CDH3: variants seen among roughly 807,000 people sequenced by gnomAD.
CDH3 encodes cadherin-3.
Under a neutral mutation model 82.0 loss-of-function variants are expected in CDH3, and 54 were observed. The observed-to-expected ratio is 0.66, with a 90% CI of 0.53 to 0.83. CDH3 has a LOEUF of 0.83. Ranked by LOEUF, CDH3 falls within the 40% of genes least tolerant of loss-of-function variation. The probability of loss-of-function intolerance (pLI) is 0.00; values close to 1 mark genes in which losing one functional copy is unlikely to be tolerated. For missense variants in CDH3, 1,054 were observed against 1,084.6 expected, an observed-to-expected ratio of 0.97 and a Z score of 0.40; for synonymous variants, 446 against 437.9, an observed-to-expected ratio of 1.02 and a Z score of -0.23.
rs1039569684 is a variant in CDH3 at position 68,666,955 on chromosome 16, G to A, written c.161-9430G>A. On this transcript the variant is annotated intron_variant, in intron 2 of 15. Transcript: ENST00000264012. ...CGAACATCCTGGCAGGTATGGTTTT[G>A]TCACATCTGGGATGGTATCTTGGCA... Among the ~76,000 whole-genome samples, 5 of 151,972 alleles carry A rather than the reference G, an allele frequency of 3.3e-5. No homozygotes were observed. In the East Asian group the frequency reaches 9.7e-4, roughly 29 times the overall value.
At chr16:68,692,055 A>C in intron 13 of CDH3, 129 bp downstream of exon 13, 1 of 685,702 alleles carries the variant, frequency 1.5e-6, no homozygotes, top group East Asian at 2.7e-5. Context: ...CATTTTTTTT[A>C]AGACAGGGTC....
At position 68,685,073 on chromosome 16, in the gene CDH3, C is replaced by A. The variant is rs149648009; in HGVS notation, c.1425-132C>A. ...GCTGCTTTAGGTCCCCGTTTATGGG[C>A]GAGGTGCATTTTCCATATGATCCTG... On this transcript the variant is annotated intron_variant, in intron 10 of 15. Transcript: ENST00000264012. The A allele has an allele frequency of 5.6e-5, 66 of 1,175,778 alleles. 1 individual carries two copies. The South Asian group carries it at 7.7e-4, about 14-fold the overall frequency. 72.8% of individuals were successfully genotyped at this position (1,175,778 alleles called of 1,614,324 possible). A position where few individuals can be genotyped will look rare whatever the true frequency, so the allele number is the denominator to read the frequency against.
chr16:68,717,583 GC>G (rs1962109885), intron 1 of CDH3, among the ~76,000 whole-genome samples: 1 of 152,048 alleles, frequency 6.6e-6, no homozygotes, highest in Non-Finnish European at 1.5e-5. Context: ...GACCAGCCTG[GC>G]CAACATGGTG....
Position 68,678,567 on chromosome 16 carries a change from C to A in CDH3, c.457C>A (p.Pro153Thr), listed in dbSNP as rs779790678. ...CATCACGGGGCCGGGGGCAGACAGC[C>A]CCCCTGAGGGTGTCTTCGCTGTAGA... ...YSITGPGADS[P>T]PEGVFAVEKE... The change falls in exon 5 of 16, where the codon CCC becomes ACC. Residue 153 changes from proline (P) to threonine (T), a missense_variant. Transcript: ENST00000264012. 1 of 1,614,222 alleles carries A rather than the reference C, an allele frequency of 6.2e-7. No homozygotes were observed. Among genetic ancestry groups the A allele is most frequent in the South Asian group, 1.1e-5 (1 of 91,082 alleles).
chr16:68,691,725 A>C lies in CDH3; in HGVS notation c.1801A>C (p.Thr601Pro). The C allele has an allele frequency of 6.2e-7, 1 of 1,613,458 alleles. No individual in the cohort carries two copies. Among genetic ancestry groups the C allele is most frequent in the South Asian group, 1.1e-5 (1 of 91,066 alleles). The part of the protein sequence containing the change: ...WTAEVNEEGD[T>P]VVLSLKKFLK... ...CAATGATCTGTTCACTCCAGGTGACACAGTGGTCTTGTCCCTGAAGAAGTT... is the reference window on the plus strand; with the variant it reads ...CAATGATCTGTTCACTCCAGGTGACCCAGTGGTCTTGTCCCTGAAGAAGTT... Residue 601 changes from threonine to proline, a missense_variant, in exon 13 of 16, where the codon ACA becomes CCA. Thr to Pro is a conservative substitution (Grantham distance 38, BLOSUM62 -1). Transcript: ENST00000264012.
At chr16:68,673,642 G>C (rs1278884640) in intron 2 of CDH3, among the ~76,000 whole-genome samples, 1 of 152,102 alleles carries the variant, frequency 6.6e-6, no homozygotes, top group Non-Finnish European at 1.5e-5. Flanking sequence ...AATTCGTATA[G>C]AGGCCGGGTG....
intron 10 of CDH3, 116 bp from the exon 11 acceptor site, chr16:68,685,089 T>C: frequency 7.7e-7 from 1 of 1,299,158 alleles, no homozygotes; most frequent in South Asian, 1.2e-5. Context: ...GCATTTTCCA[T>C]ATGATCCTGC....
At chr16:68,686,393 AT>A in intron 11 of CDH3, 1 of 1,308,012 alleles carries the variant, frequency 7.6e-7, no homozygotes, top group Non-Finnish European at 1.1e-6. Context: ...CAGGACAAGC[AT>A]TTAGAAAGTT....
At chr16:68,697,512 ACAGTGGTTCC>A (rs1400802667) in intron 15 of CDH3, among the ~76,000 whole-genome samples, 6 of 152,168 alleles carry the variant, frequency 3.9e-5, no homozygotes, top group Admixed American at 3.9e-4. Flanking sequence ...CAGTGCCAGC[ACAGTGGTTCC>A]CGACCCTGCC....
chr16:68,718,429 C>T (rs541654462), intron 1 of CDH3, among the ~76,000 whole-genome samples: 6 of 152,198 alleles, frequency 3.9e-5, no homozygotes, highest in Admixed American at 2.0e-4. Context: ...CCTATAATCC[C>T]AGCACTTTGG....
downstream of CDH3, among the ~76,000 whole-genome samples, chr16:68,731,368 CAAAAAAAAAAA>C (rs869074059): frequency 0.036 from 81 of 2,248 alleles, 10 homozygotes; most frequent in East Asian, 0.065. Context: ...AACTCCGTCT[CAAAAAAAAAAA>C]AAAAAAAAAA....
chr16:68,647,780 C>T (rs1567434210), intron 2 of CDH3, among the ~76,000 whole-genome samples: 1 of 152,090 alleles, frequency 6.6e-6, no homozygotes, highest in Non-Finnish European at 1.5e-5. Flanking sequence ...CCACCTGCAC[C>T]CTAGTTCCTC....
chr16:68,728,417 G>A (rs1047366411), downstream of CDH3, among the ~76,000 whole-genome samples: 9 of 152,054 alleles, frequency 5.9e-5, no homozygotes, highest in East Asian at 7.8e-4. Context: ...TGCCCGCCTC[G>A]GCCTCCCAAA....
intron 2 of CDH3, among the ~76,000 whole-genome samples, chr16:68,667,974 G>C (rs898556137): frequency 6.6e-6 from 1 of 152,166 alleles, no homozygotes; most frequent in Non-Finnish European, 1.5e-5. Flanking sequence ...TCAGGTTACT[G>C]ATTCCCTTTT....
At position 68,700,174 on chromosome 16, in the gene CDH3, A is replaced by G. The variant is rs947038837; in HGVS notation, c.*1774A>G. The G allele has an allele frequency of 6.6e-6, 1 of 152,252 alleles. No homozygotes were observed. The highest frequency in any genetic ancestry group is 1.5e-5 in the Non-Finnish European group (1 of 68,044). 9.4% of individuals were successfully genotyped at this position (152,252 alleles called of 1,614,324 possible). A position where few individuals can be genotyped will look rare whatever the true frequency, so the allele number is the denominator to read the frequency against. On this transcript the variant is annotated 3_prime_UTR_variant, in exon 16 of 16. Transcript: ENST00000264012. ...ATCAGGAATAGGCAGCAGTGATAGA[A>G]CAATTCTGTTTGTGCCCTTGTTAAC...
At chr16:68,680,075 C>A in intron 7 of CDH3, 101 bp downstream of exon 7, 1 of 1,190,106 alleles carries the variant, frequency 8.4e-7, no homozygotes, top group Non-Finnish European at 1.2e-6. Flanking sequence ...AAGCCCAAGG[C>A]AGAACAGTGA....
At chr16:68,670,648 G>A (rs575264810) in intron 2 of CDH3, among the ~76,000 whole-genome samples, 1 of 152,300 alleles carries the variant, frequency 6.6e-6, no homozygotes, top group South Asian at 2.1e-4. Flanking sequence ...GTTCTGTGAA[G>A]TGTAATATCC....
At chr16:68,674,364 G>GT (rs1018734791) in intron 2 of CDH3, among the ~76,000 whole-genome samples, 2 of 152,052 alleles carry the variant, frequency 1.3e-5, no homozygotes, top group African/African-American at 2.4e-5. Context: ...TCCTTTGCCT[G>GT]TTTTTTAAAA....
Position 68,678,668 on chromosome 16 carries a change from T to C in CDH3, c.546+12T>C. On this transcript the variant is annotated intron_variant, in intron 5 of 15. Coordinates refer to ENST00000264012, the MANE Select transcript of CDH3 (RefSeq NM_001793.6). ...TTGCCAAGTATGAGGCAAGTAGCCT[T>C]TAGTGTCTACTGTAAATGTCCCCTC... The C allele has an allele frequency of 6.2e-7, 1 of 1,614,082 alleles. No homozygotes were observed. Among genetic ancestry groups the C allele is most frequent in the South Asian group, 1.1e-5 (1 of 91,076 alleles).
Sources: allele counts gnomAD v4.1 joint callset (sites outside exome capture counted in the v4.1 genomes callset), GRCh38; gene constraint gnomAD v4.1.1; transcripts MANE v1.5; gene names NCBI Gene and HGNC (gene_info 2026-07-23, HGNC 2026-07-21).